The following GRIN2A variants were observed in gnomAD, a reference collection of about 807,000 sequenced individuals.
The protein encoded by GRIN2A is glutamate ionotropic receptor NMDA type subunit 2A, also known as glutamate receptor ionotropic, NMDA 2A.
In GRIN2A, 22 loss-of-function variants were observed where a neutral mutation model predicts 113.4. The ratio of observed to expected loss-of-function variants is 0.19; its 90% CI spans 0.14 to 0.28. The LOEUF (loss-of-function observed/expected upper bound fraction) is 0.28. Ranked by LOEUF, GRIN2A falls within the 10% of genes least tolerant of loss-of-function variation. The pLI is 1.00. For synonymous variants in GRIN2A, 827 were observed against 738.4 expected (o/e 1.12, Z -1.94); for missense variants, 1,502 against 1,887.0 (o/e 0.80, Z 3.78).
At chr16:10,145,321 A>G (rs2049417263) in intron 2 of GRIN2A, among the ~76,000 whole-genome samples, 1 of 152,230 alleles carries the variant, frequency 6.6e-6, no homozygotes, top group African/African-American at 2.4e-5. Context: ...ATCTCATCTC[A>G]GGTGTTCTCA....
intron 3 of GRIN2A, among the ~76,000 whole-genome samples, chr16:9,896,751 T>A (rs1006877026): frequency 6.6e-6 from 1 of 152,152 alleles, no homozygotes; most frequent in East Asian, 1.9e-4. Flanking sequence ...AGGGAGCAAG[T>A]ACCTATTACC....
intron 2 of GRIN2A, among the ~76,000 whole-genome samples, chr16:10,036,165 C>A (rs1032112297): frequency 1.3e-5 from 2 of 152,178 alleles, no homozygotes; most frequent in African/African-American, 4.8e-5. Flanking sequence ...AGGACTTCTC[C>A]CCTTTTCAAT....
At chr16:9,812,470 C>G (rs2042105579) in intron 10 of GRIN2A, among the ~76,000 whole-genome samples, 1 of 152,114 alleles carries the variant, frequency 6.6e-6, no homozygotes, top group Admixed American at 6.5e-5. Context: ...GAAACCCCGT[C>G]TCTGCTAAAA....
chr16:9,941,459 C>G (rs887143109), intron 2 of GRIN2A, among the ~76,000 whole-genome samples: 1 of 152,210 alleles, frequency 6.6e-6, no homozygotes, highest in South Asian at 2.1e-4. Context: ...AGAGCCAGCT[C>G]GGCACAGGCC....
At chr16:10,131,384 G>T (rs1465172647) in intron 2 of GRIN2A, among the ~76,000 whole-genome samples, 2 of 152,050 alleles carry the variant, frequency 1.3e-5, no homozygotes, top group African/African-American at 4.8e-5. Context: ...CAACTCGGGG[G>T]GAAATTCATC....
At chr16:10,133,433 C>A (rs1165209619) in intron 2 of GRIN2A, among the ~76,000 whole-genome samples, 13 of 152,074 alleles carry the variant, frequency 8.5e-5, no homozygotes, top group Non-Finnish European at 2.9e-5. Flanking sequence ...CATGATGAAA[C>A]CAGTCTCTAC....
At chr16:9,948,116 C>A (rs143185427) in intron 2 of GRIN2A, among the ~76,000 whole-genome samples, 27 of 152,322 alleles carry the variant, frequency 1.8e-4, no homozygotes, top group East Asian at 1.4e-3. Context: ...ACAACCCATC[C>A]CAATGTTAAA....
At position 9,755,571 on chromosome 16, in the gene GRIN2A, G is replaced by A. The variant is rs899691379; in HGVS notation, c.*7578C>T. ...CAGAAAGACATTCCTTCAAATCCCC[G>A]CTAGTGTCCTCATCCATCAAATGGG... On this transcript the variant is annotated 3_prime_UTR_variant, in exon 13 of 13. Coordinates refer to ENST00000330684, the MANE Select transcript of GRIN2A (RefSeq NM_001134407.3). 3 of 182,958 alleles carry A rather than the reference G, an allele frequency of 1.6e-5. No individual in the cohort carries two copies. Among genetic ancestry groups the A allele is most frequent in the Non-Finnish European group, 3.5e-5 (3 of 86,078 alleles). 11.3% of individuals were successfully genotyped at this position (182,958 alleles called of 1,614,324 possible).
intron 2 of GRIN2A, among the ~76,000 whole-genome samples, chr16:9,971,492 T>C (rs965875858): frequency 1.3e-5 from 2 of 152,168 alleles, no homozygotes; most frequent in Non-Finnish European, 2.9e-5. Flanking sequence ...AAAAACCACC[T>C]AGTAGAGCCC....
rs1290225976 is a variant in GRIN2A at position 9,920,439 on chromosome 16, C to T, written c.1007+17520G>A. ...TCTCTTTTGAAAGATTTATTAAAGT[C>T]AAGATAAAATTTAAACTCAAGTAAA... On this transcript the variant is annotated intron_variant, in intron 3 of 12. Coordinates refer to ENST00000330684, the MANE Select transcript of GRIN2A (RefSeq NM_001134407.3). 5.9e-5 allele frequency among the ~76,000 whole-genome samples: 9 copies of T among 152,090 alleles called. No homozygotes were observed. The East Asian group carries it at 1.5e-3, about 26-fold the overall frequency.
chr16:9,862,869 G>C (rs1054945139), intron 4 of GRIN2A, among the ~76,000 whole-genome samples: 1 of 152,132 alleles, frequency 6.6e-6, no homozygotes, highest in Non-Finnish European at 1.5e-5. Flanking sequence ...TGCAAGTTCC[G>C]TATCAGTCCG....
Position 9,963,857 on chromosome 16 carries a change from T to C in GRIN2A, c.415-25306A>G, listed in dbSNP as rs141871124. 1.8e-4 allele frequency among the ~76,000 whole-genome samples: 28 copies of C among 152,326 alleles called. 1 individual carries two copies. In the East Asian group the frequency reaches 5.2e-3, roughly 28 times the overall value. On this transcript the variant is annotated intron_variant, in intron 2 of 12. Transcript: ENST00000330684. ...AATGATGGACAAACTCCCTGCCTCATGGGGCTTGCATTTTAGAGCTATGTG... is the reference window on the plus strand; with the variant it reads ...AATGATGGACAAACTCCCTGCCTCACGGGGCTTGCATTTTAGAGCTATGTG...
rs115945447 is a variant in GRIN2A at position 9,839,032 on chromosome 16, T to C, written c.1651+1615A>G. Among the ~76,000 whole-genome samples, 1,265 of 152,278 alleles carry C rather than the reference T, an allele frequency of 8.3e-3. 21 individuals are homozygous for C. Among genetic ancestry groups the C allele is most frequent in the African/African-American group, 0.029 (1,195 of 41,540 alleles). ...ATTCGTCCATATAACCAAAAATCAC[T>C]TGTACCCCTGAGCTATTGAAATTTT... On this transcript the variant is annotated intron_variant, in intron 7 of 12. Coordinates refer to ENST00000330684, the MANE Select transcript of GRIN2A (RefSeq NM_001134407.3).
chr16:9,784,169 G>T (rs888803300), intron 11 of GRIN2A, among the ~76,000 whole-genome samples: 3 of 152,102 alleles, frequency 2.0e-5, no homozygotes, highest in Admixed American at 2.0e-4. Context: ...GTGGCTCACA[G>T]CTCTAATCCC....
chr16:9,865,808 A>G (rs1170386945), intron 4 of GRIN2A, among the ~76,000 whole-genome samples: 1 of 152,210 alleles, frequency 6.6e-6, no homozygotes, highest in Middle Eastern at 3.2e-3. Flanking sequence ...TGCACAGCCC[A>G]CAAGCTAAGA....
At chr16:10,127,108 A>G (rs1460160184) in intron 2 of GRIN2A, among the ~76,000 whole-genome samples, 2 of 151,890 alleles carry the variant, frequency 1.3e-5, no homozygotes, top group Admixed American at 1.3e-4. Flanking sequence ...CATGAACCCC[A>G]TTTTCTTGAT....
At chr16:9,766,016 A>G (rs995079430) in intron 12 of GRIN2A, among the ~76,000 whole-genome samples, 1 of 152,160 alleles carries the variant, frequency 6.6e-6, no homozygotes, top group African/African-American at 2.4e-5. Flanking sequence ...GATTCCTACC[A>G]CAATAACAGG....
chr16:10,024,312 C>T (rs986835476), intron 2 of GRIN2A, among the ~76,000 whole-genome samples: 1 of 152,192 alleles, frequency 6.6e-6, no homozygotes, highest in African/African-American at 2.4e-5. Context: ...CAGCCTCCAC[C>T]TCCTGGGTCA....
intron 2 of GRIN2A, among the ~76,000 whole-genome samples, chr16:10,055,437 GT>G (rs2047441447): frequency 6.6e-6 from 1 of 152,086 alleles, no homozygotes; most frequent in African/African-American, 2.4e-5. Flanking sequence ...ATAAATCCTG[GT>G]TTTGAAAGAG....
Sources: gnomAD v4.1 joint callset for allele counts (sites outside exome capture counted in the v4.1 genomes callset) on GRCh38, gnomAD v4.1.1 for gene constraint, MANE v1.5 for transcripts, NCBI Gene and HGNC (gene_info 2026-07-23, HGNC 2026-07-21) for gene names.